NELL1: variants seen among roughly 807,000 people sequenced by gnomAD.
NELL1 encodes the protein neural EGFL like 1.
In NELL1, 76 loss-of-function variants were observed where a neutral mutation model predicts 107.4. That is an observed-to-expected ratio of 0.71 (90% confidence interval 0.59 to 0.86). The LOEUF (loss-of-function observed/expected upper bound fraction) is 0.86, where lower values mean the gene tolerates loss of function less well. NELL1 is among the 40% of genes least tolerant of loss of function. NELL1 has a pLI of 0.00. For missense variants in NELL1, 1,024 were observed against 1,005.5 expected (o/e 1.02, Z -0.25); for synonymous variants, 353 against 341.2 (o/e 1.03, Z -0.38).
chr11:21,381,883 T>G (rs548514248), intron 15 of NELL1, among the ~76,000 whole-genome samples: 133 of 144,644 alleles, frequency 9.2e-4, no homozygotes, highest in Non-Finnish European at 1.6e-3. Flanking sequence ...ATGTTTAACT[T>G]GGGTATGGTC....
chr11:21,201,031 T>C (rs942801811), intron 13 of NELL1, among the ~76,000 whole-genome samples: 2 of 152,228 alleles, frequency 1.3e-5, no homozygotes, highest in Non-Finnish European at 2.9e-5. Flanking sequence ...TTGGTTACTG[T>C]AGCCTTGTAG....
intron 14 of NELL1, among the ~76,000 whole-genome samples, chr11:21,348,966 A>G (rs1850743357): frequency 1.3e-5 from 2 of 152,174 alleles, no homozygotes; most frequent in African/African-American, 4.8e-5. Context: ...CACTTCTTTA[A>G]GTAATTACGA....
At chr11:20,743,579 C>T (rs1855939296) in intron 2 of NELL1, among the ~76,000 whole-genome samples, 1 of 152,110 alleles carries the variant, frequency 6.6e-6, no homozygotes, top group African/African-American at 2.4e-5. Context: ...CAAATTTGAG[C>T]CTTGAGTCTT....
At chr11:20,932,354 T>C (rs1850635892) in intron 9 of NELL1, among the ~76,000 whole-genome samples, 1 of 152,008 alleles carries the variant, frequency 6.6e-6, no homozygotes, top group South Asian at 2.1e-4. Context: ...AAACAGTATG[T>C]GTGAAGGAAT....
intron 15 of NELL1, among the ~76,000 whole-genome samples, chr11:21,433,452 A>G (rs1853021191): frequency 6.6e-6 from 1 of 152,146 alleles, no homozygotes; most frequent in Admixed American, 6.5e-5. Flanking sequence ...AGAAATCTAC[A>G]TGCTGTTTTC....
At position 21,570,767 on chromosome 11, in the gene NELL1, G is replaced by A; in HGVS notation, c.1984G>A (p.Gly662Ser). Reference protein sequence around the residue: ...DRCSVCSCKDGKIFCRRTACD... With the variant: ...DRCSVCSCKDSKIFCRRTACD... ...CCTTAACTTCATTTCTAAACAGGAT[G>A]GCAAGATATTCTGCCGACGGACAGC... Residue 662 changes from glycine (G) to serine (S), a missense_variant, in exon 18 of 20, where the codon GGC becomes AGC. Physicochemically the swap from Gly to Ser is moderately conservative, Grantham distance 56. Transcript: ENST00000357134. 1 of 1,610,962 alleles carries A rather than the reference G, an allele frequency of 6.2e-7. No homozygotes were observed. The highest frequency in any genetic ancestry group is 8.5e-7 in the Non-Finnish European group (1 of 1,178,172).
At chr11:21,454,107 G>T (rs1853660421) in intron 15 of NELL1, among the ~76,000 whole-genome samples, 1 of 126,124 alleles carries the variant, frequency 7.9e-6, no homozygotes, top group Non-Finnish European at 1.6e-5. Flanking sequence ...GTCCCCAGAG[G>T]GTGATATTCC....
chr11:20,855,139 C>T (rs573501998), intron 4 of NELL1, among the ~76,000 whole-genome samples: 2 of 151,874 alleles, frequency 1.3e-5, no homozygotes, highest in Non-Finnish European at 2.9e-5. Flanking sequence ...ACATCAGTAG[C>T]AGACCTATTT....
At chr11:21,333,637 C>T (rs1002133759) in intron 14 of NELL1, among the ~76,000 whole-genome samples, 5 of 152,070 alleles carry the variant, frequency 3.3e-5, no homozygotes, top group African/African-American at 7.2e-5. Flanking sequence ...CATGGGTTGT[C>T]GTCTATATTC....
chr11:21,108,661 C>A (rs936571950), intron 12 of NELL1, among the ~76,000 whole-genome samples: 3 of 152,186 alleles, frequency 2.0e-5, no homozygotes, highest in Non-Finnish European at 4.4e-5. Flanking sequence ...TAGTCTCAAG[C>A]GTTATGAGTA....
intron 15 of NELL1, among the ~76,000 whole-genome samples, chr11:21,421,582 C>CA (rs1852670655): frequency 6.6e-6 from 1 of 152,016 alleles, no homozygotes; most frequent in Non-Finnish European, 1.5e-5. Flanking sequence ...CCTTCTCCAC[C>CA]ACCCCCTCAC....
At chr11:20,748,899 T>TCCATCCATCCATCCATCCACCCAG (rs1315399626) in intron 2 of NELL1, among the ~76,000 whole-genome samples, 6 of 53,962 alleles carry the variant, frequency 1.1e-4, no homozygotes, top group South Asian at 6.3e-4. Flanking sequence ...CATCCATCCA[T>TCCATCCATCCATCCATCCACCCAG]CCACCCAGCC....
chr11:20,986,662 G>A (rs11025861), intron 12 of NELL1, among the ~76,000 whole-genome samples: 7,153 of 151,992 alleles, frequency 0.047, 226 homozygotes, highest in Middle Eastern at 0.2. Context: ...CATCCTTCCC[G>A]TATTTCTGAG....
chr11:21,164,430 T>C (rs1358609980), intron 13 of NELL1, among the ~76,000 whole-genome samples: 1 of 152,186 alleles, frequency 6.6e-6, no homozygotes, highest in Non-Finnish European at 1.5e-5. Flanking sequence ...CAAGCTAATC[T>C]TAGACTTTAA....
At chr11:21,366,605 G>A (rs1317459154) in intron 14 of NELL1, among the ~76,000 whole-genome samples, 1 of 151,914 alleles carries the variant, frequency 6.6e-6, no homozygotes, top group Non-Finnish European at 1.5e-5. Flanking sequence ...TTCCACTTGA[G>A]CAGCATCATC....
intron 12 of NELL1, among the ~76,000 whole-genome samples, chr11:21,035,485 A>AT (rs1454489581): frequency 1.3e-5 from 2 of 151,970 alleles, no homozygotes; most frequent in Admixed American, 6.6e-5. Flanking sequence ...AAAAAAAAAA[A>AT]AAATAAAACT....
intron 16 of NELL1, among the ~76,000 whole-genome samples, chr11:21,546,944 G>A (rs1856457810): frequency 1.3e-5 from 2 of 151,946 alleles, no homozygotes; most frequent in African/African-American, 4.8e-5. Flanking sequence ...ATTTGTTAAA[G>A]GAACATTCAT....
intron 14 of NELL1, among the ~76,000 whole-genome samples, chr11:21,323,155 A>T (rs567681265): frequency 8.6e-4 from 131 of 152,266 alleles, no homozygotes; most frequent in African/African-American, 3.0e-3. Flanking sequence ...TGGCTTTATT[A>T]TTATCTGGTT....
chr11:21,140,720 T>A (rs781063088), intron 13 of NELL1, among the ~76,000 whole-genome samples: 8 of 152,228 alleles, frequency 5.3e-5, no homozygotes, highest in Non-Finnish European at 7.3e-5. Context: ...TTCTGATTTT[T>A]AATATATTGC....
Sources: gnomAD v4.1 joint callset for allele counts (sites outside exome capture counted in the v4.1 genomes callset) on GRCh38, gnomAD v4.1.1 for gene constraint, MANE v1.5 for transcripts, NCBI Gene and HGNC (gene_info 2026-07-23, HGNC 2026-07-21) for gene names.